The following GNA15 variants were observed in gnomAD, a reference collection of about 807,000 sequenced individuals.
GNA15 encodes the protein G protein subunit alpha 15.
GNA15 carries 23 observed loss-of-function variants against 40.1 expected under a neutral mutation model. The ratio of observed to expected loss-of-function variants is 0.57; its 90% confidence interval spans 0.41 to 0.81. The LOEUF (loss-of-function observed/expected upper bound fraction) is 0.81, where lower values mean the gene tolerates loss of function less well. GNA15 is among the 40% of genes least tolerant of loss of function. The probability of loss-of-function intolerance (pLI) is 0.00; values close to 1 mark genes in which losing one functional copy is unlikely to be tolerated. For synonymous variants in GNA15, 226 were observed against 210.4 expected (o/e 1.07, Z -0.64); for missense variants, 522 against 515.8 (o/e 1.01, Z -0.12).
rs746938649 is a variant in GNA15 at position 3,151,834 on chromosome 19, C to T, written c.613C>T (p.Arg205Trp). 22 of 1,606,362 alleles carry T rather than the reference C, an allele frequency of 1.4e-5. No individual in the cohort carries two copies. Among genetic ancestry groups the T allele is most frequent in the Non-Finnish European group, 1.7e-5 (20 of 1,176,272 alleles). Residue 205 changes from arginine (R) to tryptophan (W), a missense_variant and splice_region_variant, in exon 4 of 7, where the codon CGG becomes TGG. Coordinates refer to ENST00000262958, the MANE Select transcript of GNA15 (RefSeq NM_002068.4). The surrounding 1 kb of genome is among the most constrained non-coding windows in gnomAD (Gnocchi z 5.0). ...YCFSVQKTNL[R>W]IVDVGGQKSE... is the part of the protein sequence containing the mutation. ...CTTCTCCGTGCAGAAAACCAACCTG[C>T]GGTGAGCGCTCCACCTAGGCCCAGC...
chr19:3,145,359 A>ATATATATATATT, intron 1 of GNA15, among the ~76,000 whole-genome samples: 115 of 46,954 alleles, frequency 2.4e-3, no homozygotes, highest in African/African-American at 9.2e-3. Flanking sequence ...ATATATATAT[A>ATATATATATATT]TTTTTTTTTT....
chr19:3,153,004 G>A lies in GNA15; in HGVS notation c.614+1169G>A, dbSNP rs58782542. Among the ~76,000 whole-genome samples, 1,433 of 152,142 alleles carry A rather than the reference G, an allele frequency of 9.4e-3. 31 individuals are homozygous for A. Among genetic ancestry groups the A allele is most frequent in the African/African-American group, 0.033 (1,367 of 41,486 alleles). On this transcript the variant is annotated intron_variant, in intron 4 of 6. Transcript: ENST00000262958. ...GGATGGTTGGAAAGATGGAATGGGG[G>A]CAACCCGCTCGGGTCCCCTTCCACG...
intron 4 of GNA15, among the ~76,000 whole-genome samples, chr19:3,152,307 G>A (rs1408384709): frequency 2.0e-5 from 3 of 152,086 alleles, no homozygotes; most frequent in Admixed American, 1.3e-4. Flanking sequence ...CAGCGGGCGT[G>A]GGGATGGAAA....
At chr19:3,139,508 T>G in intron 1 of GNA15, among the ~76,000 whole-genome samples, 1 of 148,574 alleles carries the variant, frequency 6.7e-6, no homozygotes, top group Non-Finnish European at 1.5e-5. Context: ...GGTGAGAGGA[T>G]CACTTGAGCC....
intron 6 of GNA15, among the ~76,000 whole-genome samples, chr19:3,162,501 G>C (rs746969392): frequency 2.0e-5 from 3 of 152,198 alleles, no homozygotes; most frequent in South Asian, 2.1e-4. Context: ...GGCTGTAAGC[G>C]AGGCCAAGAG....
In GNA15 at chr19:3,155,720, T is replaced by G. The variant is rs1431718685; in HGVS notation, c.615-103T>G. The G allele has an allele frequency of 1.5e-6, 2 of 1,323,218 alleles. No individual in the cohort carries two copies. The highest frequency in any genetic ancestry group is 4.7e-5 in the East Asian group (2 of 42,888). 82.0% of individuals were successfully genotyped at this position (1,323,218 alleles called of 1,614,324 possible). Reference sequence around the variant, plus strand: ...ACGAGAGGCTAGCACCTATTCTTGCTGTCGCTATTATGGATCTTGGCATAT... The same window carrying G: ...ACGAGAGGCTAGCACCTATTCTTGCGGTCGCTATTATGGATCTTGGCATAT... On this transcript the variant is annotated intron_variant, in intron 4 of 6. Coordinates refer to ENST00000262958, the MANE Select transcript of GNA15 (RefSeq NM_002068.4). This position sits in a 1 kb window ranked among gnomAD's most constrained non-coding sequence, Gnocchi z 5.6.
At position 3,151,251 on chromosome 19, in the gene GNA15, T is replaced by C. The variant is rs1483572765; in HGVS notation, c.486-456T>C. ...TGACCCTGTTCCTGGGGGGACCCTG[T>C]TCCTAAAGTGACCCTGTTTTAGGGG... On this transcript the variant is annotated intron_variant, in intron 3 of 6. Coordinates refer to ENST00000262958, the MANE Select transcript of GNA15 (RefSeq NM_002068.4). This position sits in a 1 kb window ranked among gnomAD's most constrained non-coding sequence, Gnocchi z 5.0. Among the ~76,000 whole-genome samples the C allele has an allele frequency of 1.3e-5, 2 of 151,982 alleles. No homozygotes were observed. Among genetic ancestry groups the C allele is most frequent in the Non-Finnish European group, 2.9e-5 (2 of 67,928 alleles).
Position 3,162,672 on chromosome 19 carries a change from G to A in GNA15, c.899-121G>A, listed in dbSNP as rs527695811. 2.8e-4 allele frequency: 183 copies of A among 648,614 alleles called. No individual in the cohort carries two copies. In the African/African-American group the frequency reaches 3.0e-3, roughly 10 times the overall value. The allele number at this position is 648,614 out of a possible 1,614,324, so 40.2% of individuals were successfully genotyped here. A position where few individuals can be genotyped will look rare whatever the true frequency, so the allele number is the denominator to read the frequency against. On this transcript the variant is annotated intron_variant, in intron 6 of 6. Coordinates refer to ENST00000262958, the MANE Select transcript of GNA15 (RefSeq NM_002068.4). ...CTACAAAAGATGGAGTCAACGCACAGAAAAATGACAGGCGCGATCCCTGGG... is the reference window on the plus strand; with the variant it reads ...CTACAAAAGATGGAGTCAACGCACAAAAAAATGACAGGCGCGATCCCTGGG...
At chr19:3,142,565 C>G (rs1914601850) in intron 1 of GNA15, 1 of 152,172 alleles carries the variant, frequency 6.6e-6, no homozygotes, top group Admixed American at 6.5e-5. Flanking sequence ...AACTGGGGGA[C>G]AGGAGCCCAA....
intron 1 of GNA15, among the ~76,000 whole-genome samples, chr19:3,144,132 A>C (rs1186180507): frequency 6.6e-6 from 1 of 151,400 alleles, no homozygotes; most frequent in Admixed American, 6.6e-5. Context: ...CCTCTCAAAA[A>C]AAAAAAAAAA....
intron 1 of GNA15, chr19:3,146,533 G>GA (rs889189382): frequency 3.9e-5 from 6 of 152,094 alleles, no homozygotes; most frequent in African/African-American, 1.4e-4. Context: ...CCCAGCCCCA[G>GA]AAAATCTGTG....
At position 3,156,359 on chromosome 19, in the gene GNA15, T is replaced by C. The variant is rs561247599; in HGVS notation, c.744+407T>C. ...CACGAACACACATGCACCACACACA[T>C]GCACACTTGCATGCACTCACGTGCA... On this transcript the variant is annotated intron_variant, in intron 5 of 6. Coordinates refer to ENST00000262958, the MANE Select transcript of GNA15 (RefSeq NM_002068.4). Among the ~76,000 whole-genome samples the C allele has an allele frequency of 3.5e-4, 53 of 150,844 alleles. 1 individual carries two copies. In the South Asian group the frequency reaches 0.01, roughly 30 times the overall value.
chr19:3,150,898 C>T (rs1212114681), intron 3 of GNA15, among the ~76,000 whole-genome samples: 2 of 147,970 alleles, frequency 1.4e-5, no homozygotes, highest in Non-Finnish European at 3.0e-5. Flanking sequence ...ACCCTGTTCC[C>T]GGGGGTGACT....
intron 1 of GNA15, among the ~76,000 whole-genome samples, chr19:3,147,018 C>G (rs1599322937): frequency 1.3e-5 from 2 of 152,250 alleles, no homozygotes; most frequent in South Asian, 4.1e-4. Flanking sequence ...GTTACTGTCA[C>G]CTGGTGTGCC....
At position 3,155,953 on chromosome 19, in the gene GNA15, G is replaced by A. The variant is rs1021786002; in HGVS notation, c.744+1G>A. The A allele has an allele frequency of 1.9e-6, 3 of 1,613,600 alleles. No individual in the cohort carries two copies. Among genetic ancestry groups the A allele is most frequent in the African/African-American group, 1.3e-5 (1 of 75,002 alleles). On this transcript the variant is annotated splice_donor_variant, in intron 5 of 6. Coordinates refer to ENST00000262958, the MANE Select transcript of GNA15 (RefSeq NM_002068.4). LOFTEE classifies it high-confidence loss of function. This position sits in a 1 kb window ranked among gnomAD's most constrained non-coding sequence, Gnocchi z 5.6. Reference sequence around the variant, plus strand: ...GTGCCTGGAGGAGAACAACCAGGAGGTGCGCCACCGCCTCCCTCGCCCTGC... The same window carrying A: ...GTGCCTGGAGGAGAACAACCAGGAGATGCGCCACCGCCTCCCTCGCCCTGC...
At position 3,144,591 on chromosome 19, in the gene GNA15, T is replaced by C. The variant is rs182433422; in HGVS notation, c.146-4000T>C. Among the ~76,000 whole-genome samples the C allele has an allele frequency of 1.9e-3, 291 of 152,052 alleles. 2 individuals carry two copies. The highest frequency in any genetic ancestry group is 3.4e-3 in the Middle Eastern group (1 of 294). On this transcript the variant is annotated intron_variant, in intron 1 of 6. Coordinates refer to ENST00000262958, the MANE Select transcript of GNA15 (RefSeq NM_002068.4). ...TCACCCAGGCTGGAGTGCAGTGGCA[T>C]GATCTCGGCTCATTGCAAGCTCCGC...
intron 6 of GNA15, among the ~76,000 whole-genome samples, chr19:3,159,308 G>A (rs1360555464): frequency 2.0e-5 from 3 of 150,700 alleles, no homozygotes; most frequent in Non-Finnish European, 4.4e-5. Context: ...ACAGGCGTGA[G>A]CCATCGTGCC....
chr19:3,148,001 G>A (rs570965497), intron 1 of GNA15, among the ~76,000 whole-genome samples: 5 of 152,026 alleles, frequency 3.3e-5, no homozygotes, highest in Admixed American at 6.5e-5. Flanking sequence ...GACCCTTACC[G>A]TGAGCATTTT....
At position 3,151,010 on chromosome 19, in the gene GNA15, C is replaced by T. The variant is rs938469284; in HGVS notation, c.486-697C>T. Among the ~76,000 whole-genome samples the T allele has an allele frequency of 6.6e-6, 1 of 151,472 alleles. No individual in the cohort carries two copies. Among genetic ancestry groups the T allele is most frequent in the African/African-American group, 2.4e-5 (1 of 41,204 alleles). ...AGGGGTGATCCTGTTCCTGGGGGGA[C>T]TGTATTCCTAGAGTGACCCTGTTCT... is the stretch of plus-strand genomic sequence containing the variant. On this transcript the variant is annotated intron_variant, in intron 3 of 6. Coordinates refer to ENST00000262958, the MANE Select transcript of GNA15 (RefSeq NM_002068.4). The surrounding 1 kb of genome is among the most constrained non-coding windows in gnomAD (Gnocchi z 5.0).
Sources: allele counts gnomAD v4.1 joint callset (sites outside exome capture counted in the v4.1 genomes callset), GRCh38; gene constraint gnomAD v4.1.1; non-coding constraint Gnocchi (gnomAD v3.1); transcripts MANE v1.5; gene names NCBI Gene and HGNC (gene_info 2026-07-23, HGNC 2026-07-21).